The following ZBTB20 variants were observed in gnomAD, a reference collection of about 807,000 sequenced individuals.
ZBTB20 encodes zinc finger and BTB domain containing 20.
ZBTB20 carries 9 observed loss-of-function variants against 56.9 expected under a neutral mutation model. The ratio of observed to expected loss-of-function variants is 0.16; its 90% CI spans 0.10 to 0.28. ZBTB20 has a LOEUF of 0.28. Ranked by LOEUF, ZBTB20 falls within the 10% of genes least tolerant of loss-of-function variation. ZBTB20 has a pLI of 1.00. For synonymous variants in ZBTB20, 417 were observed against 420.7 expected (o/e 0.99, Z 0.11); for missense variants, 655 against 1,003.0 (o/e 0.65, Z 4.69).
intron 5 of ZBTB20, among the ~76,000 whole-genome samples, chr3:114,753,207 G>GAAGCATAT (rs2067697191): frequency 2.0e-5 from 3 of 149,402 alleles, no homozygotes; most frequent in Non-Finnish European, 4.4e-5. Flanking sequence ...TCTAAAAAAT[G>GAAGCATAT]AAGCATATTT....
rs1194637285 is a variant in ZBTB20 at position 114,667,121 on chromosome 3, T to C, written c.-295+26407A>G. ...CATCTATGCCTGAGGTTGCAATTTCTTTGAATTTCTGCAATCAGACCATGG... is the reference window on the plus strand; with the variant it reads ...CATCTATGCCTGAGGTTGCAATTTCCTTGAATTTCTGCAATCAGACCATGG... On this transcript the variant is annotated intron_variant, in intron 6 of 11. Coordinates refer to ENST00000675478, the MANE Select transcript of ZBTB20 (RefSeq NM_001348800.3). Among the ~76,000 whole-genome samples, 4 of 152,034 alleles carry C rather than the reference T, an allele frequency of 2.6e-5. No individual in the cohort carries two copies. The East Asian group carries it at 7.7e-4, about 29-fold the overall frequency.
At position 114,335,918 on chromosome 3, in the gene ZBTB20, G is replaced by A. The variant is rs528002052; in HGVS notation, c.*3087C>T. The A allele has an allele frequency of 1.3e-5, 2 of 152,268 alleles. No individual in the cohort carries two copies. Among genetic ancestry groups the A allele is most frequent in the Non-Finnish European group, 2.9e-5 (2 of 68,008 alleles). 9.4% of individuals were successfully genotyped at this position (152,268 alleles called of 1,614,324 possible). ...TCTACATGTTCTACCAAAAGAAAAGGTGGATTCTAACCCAATTGCTTAGCA... is the reference window on the plus strand; with the variant it reads ...TCTACATGTTCTACCAAAAGAAAAGATGGATTCTAACCCAATTGCTTAGCA... On this transcript the variant is annotated 3_prime_UTR_variant, in exon 12 of 12. Transcript: ENST00000675478.
intron 2 of ZBTB20, among the ~76,000 whole-genome samples, chr3:115,034,414 C>G (rs556130765): frequency 2.6e-5 from 4 of 151,136 alleles, no homozygotes; most frequent in African/African-American, 9.7e-5. Flanking sequence ...AAAATCATCA[C>G]GCAAAAATCA....
At chr3:115,146,989 C>CGGGCG (rs547943376) in intron 1 of ZBTB20, among the ~76,000 whole-genome samples, 4,239 of 149,000 alleles carry the variant, frequency 0.028, 92 homozygotes, top group African/African-American at 0.038. Flanking sequence ...GGAGGGGGCG[C>CGGGCG]GGGCGGGGCG....
At chr3:114,759,652 T>C (rs925963837) in intron 5 of ZBTB20, among the ~76,000 whole-genome samples, 1 of 152,112 alleles carries the variant, frequency 6.6e-6, no homozygotes, top group Non-Finnish European at 1.5e-5. Context: ...TCAGATTTTC[T>C]CTTATCCTGC....
intron 5 of ZBTB20, among the ~76,000 whole-genome samples, chr3:114,729,389 C>T (rs2065554929): frequency 6.6e-6 from 1 of 152,188 alleles, no homozygotes; most frequent in Non-Finnish European, 1.5e-5. Context: ...TAGATCGAGA[C>T]TTTGAAACTT....
chr3:115,060,154 G>C (rs1171194589), intron 2 of ZBTB20, among the ~76,000 whole-genome samples: 1 of 152,074 alleles, frequency 6.6e-6, no homozygotes, highest in Non-Finnish European at 1.5e-5. Flanking sequence ...CCATCTTCTT[G>C]ATTCTATTTT....
intron 8 of ZBTB20, among the ~76,000 whole-genome samples, chr3:114,384,149 A>G (rs886512879): frequency 1.9e-5 from 2 of 103,054 alleles, no homozygotes; most frequent in Non-Finnish European, 4.1e-5. Flanking sequence ...TCTCTCTCTC[A>G]TTTTCTCTCT....
intron 5 of ZBTB20, among the ~76,000 whole-genome samples, chr3:114,696,764 G>A (rs2063047510): frequency 6.6e-6 from 1 of 151,992 alleles, no homozygotes; most frequent in Non-Finnish European, 1.5e-5. Flanking sequence ...AAGAAAAGGG[G>A]GAGGGGGTTG....
At chr3:114,646,959 T>A (rs2059876973) in intron 6 of ZBTB20, among the ~76,000 whole-genome samples, 1 of 152,104 alleles carries the variant, frequency 6.6e-6, no homozygotes, top group Non-Finnish European at 1.5e-5. Flanking sequence ...TATTTTATTT[T>A]ATTTATTTAT....
chr3:114,656,790 C>A (rs543764721), intron 6 of ZBTB20, among the ~76,000 whole-genome samples: 1 of 152,226 alleles, frequency 6.6e-6, no homozygotes, highest in South Asian at 2.1e-4. Context: ...GTTGCCCAGG[C>A]TAGAGTGCAG....
At chr3:114,779,823 T>G (rs768996741) in intron 5 of ZBTB20, among the ~76,000 whole-genome samples, 9 of 152,194 alleles carry the variant, frequency 5.9e-5, no homozygotes, top group Non-Finnish European at 8.8e-5. Flanking sequence ...TTCTTAGTCA[T>G]AATGTTTCTA....
At chr3:115,049,605 T>C (rs1266749099) in intron 2 of ZBTB20, among the ~76,000 whole-genome samples, 1 of 152,158 alleles carries the variant, frequency 6.6e-6, no homozygotes, top group Non-Finnish European at 1.5e-5. Context: ...AATTTTCCAC[T>C]TCTGGCATCA....
chr3:114,915,827 C>G (rs1049974530), intron 3 of ZBTB20, among the ~76,000 whole-genome samples: 1 of 152,012 alleles, frequency 6.6e-6, no homozygotes, highest in Admixed American at 6.6e-5. Flanking sequence ...CAACTGATCA[C>G]TCAGGAGTAC....
intron 4 of ZBTB20, chr3:114,873,009 C>A (rs529971527): frequency 6.6e-6 from 1 of 152,150 alleles, no homozygotes; most frequent in South Asian, 2.1e-4. Flanking sequence ...CATGAAGGTG[C>A]CTTGAGAACC....
chr3:114,492,025 C>G (rs1405072259), intron 7 of ZBTB20, among the ~76,000 whole-genome samples: 1 of 152,204 alleles, frequency 6.6e-6, no homozygotes, highest in Non-Finnish European at 1.5e-5. Context: ...CTTTGAGGCA[C>G]TCTCTTGGCT....
chr3:114,793,442 G>A (rs556409096), intron 5 of ZBTB20, among the ~76,000 whole-genome samples: 53 of 152,112 alleles, frequency 3.5e-4, no homozygotes, highest in Admixed American at 7.2e-4. Flanking sequence ...ATTGGGCACA[G>A]ACACAGTAAA....
At chr3:115,032,172 T>A (rs959674942) in intron 2 of ZBTB20, among the ~76,000 whole-genome samples, 3 of 151,410 alleles carry the variant, frequency 2.0e-5, no homozygotes, top group Non-Finnish European at 3.0e-5. Context: ...AAAGGCAACA[T>A]AACAGCACGT....
intron 1 of ZBTB20, among the ~76,000 whole-genome samples, chr3:115,101,742 C>A (rs956521336): frequency 6.6e-6 from 1 of 152,062 alleles, no homozygotes; most frequent in African/African-American, 2.4e-5. Context: ...TCAAACCCTG[C>A]GTTTGGGCAA....
Sources: allele counts gnomAD v4.1 joint callset (sites outside exome capture counted in the v4.1 genomes callset), GRCh38; gene constraint gnomAD v4.1.1; transcripts MANE v1.5; gene names NCBI Gene and HGNC (gene_info 2026-07-23, HGNC 2026-07-21).